The following CABLES1 variants were observed in gnomAD, a reference collection of about 807,000 sequenced individuals.
CABLES1 encodes Cdk5 and Abl enzyme substrate 1.
CABLES1 carries 36 observed loss-of-function variants against 57.8 expected under a neutral mutation model. The ratio of observed to expected loss-of-function variants is 0.62; its 90% CI spans 0.48 to 0.82. The LOEUF (loss-of-function observed/expected upper bound fraction) is 0.82, where lower values mean the gene tolerates loss of function less well. Ranked by LOEUF, CABLES1 falls within the 40% of genes least tolerant of loss-of-function variation. The pLI is 0.00. For synonymous variants in CABLES1, 374 were observed against 363.0 expected (o/e 1.03, Z -0.35); for missense variants, 767 against 836.6 (o/e 0.92, Z 1.03).
chr18:23,228,987 A>G (rs1313337227), intron 4 of CABLES1, among the ~76,000 whole-genome samples: 1 of 152,160 alleles, frequency 6.6e-6, no homozygotes, highest in Non-Finnish European at 1.5e-5. Flanking sequence ...CACTTCCTAT[A>G]ACCTGACTAA....
intron 1 of CABLES1, among the ~76,000 whole-genome samples, chr18:23,184,369 A>G (rs1308689126): frequency 6.6e-6 from 1 of 151,732 alleles, no homozygotes; most frequent in Non-Finnish European, 1.5e-5. Context: ...AGACTTCTAT[A>G]ATGAAGTACC....
chr18:23,238,424 A>G (rs2047659103), intron 7 of CABLES1, among the ~76,000 whole-genome samples: 1 of 152,234 alleles, frequency 6.6e-6, no homozygotes, highest in South Asian at 2.1e-4. Flanking sequence ...AATTTATTCA[A>G]GTCAAAGGCA....
At chr18:23,203,061 A>C (rs2047337524) in intron 3 of CABLES1, among the ~76,000 whole-genome samples, 1 of 151,684 alleles carries the variant, frequency 6.6e-6, no homozygotes, top group African/African-American at 2.4e-5. Context: ...CGGTCCTGTT[A>C]AGAAAGGACC....
chr18:23,144,370 G>C (rs2046878322), intron 1 of CABLES1, among the ~76,000 whole-genome samples: 2 of 152,204 alleles, frequency 1.3e-5, no homozygotes, highest in Non-Finnish European at 2.9e-5. Context: ...CAACGTTCTA[G>C]GTCTTTGTTT....
chr18:23,221,059 C>G (rs2047483470), intron 4 of CABLES1, among the ~76,000 whole-genome samples: 1 of 152,168 alleles, frequency 6.6e-6, no homozygotes, highest in Admixed American at 6.5e-5. Context: ...GCCCCCTGAG[C>G]ACCTTCAGGA....
intron 7 of CABLES1, among the ~76,000 whole-genome samples, chr18:23,243,889 A>G (rs1423796720): frequency 6.6e-6 from 1 of 151,968 alleles, no homozygotes; most frequent in African/African-American, 2.4e-5. Context: ...AAAAAAAAAA[A>G]ACTAATACAA....
chr18:23,241,390 G>A (rs1405950770), intron 7 of CABLES1, among the ~76,000 whole-genome samples: 1 of 152,070 alleles, frequency 6.6e-6, no homozygotes, highest in African/African-American at 2.4e-5. Flanking sequence ...AATTAGCTGG[G>A]CATAGTGGCA....
At chr18:23,254,262 A>C (rs572507299) in intron 9 of CABLES1, among the ~76,000 whole-genome samples, 22 of 152,232 alleles carry the variant, frequency 1.4e-4, no homozygotes, top group Non-Finnish European at 3.1e-4. Context: ...TGTGACCCAC[A>C]GAGCATCTAA....
intron 1 of CABLES1, among the ~76,000 whole-genome samples, chr18:23,145,234 G>T (rs1308713059): frequency 6.6e-6 from 1 of 152,062 alleles, no homozygotes; most frequent in Non-Finnish European, 1.5e-5. Context: ...ACCGTGCCTG[G>T]CCTAATTTTT....
chr18:23,162,080 G>A (rs934512025), intron 1 of CABLES1, among the ~76,000 whole-genome samples: 9 of 151,902 alleles, frequency 5.9e-5, no homozygotes, highest in Admixed American at 1.3e-4. Flanking sequence ...CAGGGGAATC[G>A]CTTGAACTCG....
intron 3 of CABLES1, among the ~76,000 whole-genome samples, chr18:23,195,150 T>G (rs2047273007): frequency 6.6e-6 from 1 of 152,222 alleles, no homozygotes; most frequent in African/African-American, 2.4e-5. Context: ...TATTAAAACC[T>G]TCCAGACAAC....
intron 1 of CABLES1, among the ~76,000 whole-genome samples, chr18:23,143,375 T>C (rs765463695): frequency 6.6e-6 from 1 of 152,186 alleles, no homozygotes; most frequent in Admixed American, 6.5e-5. Context: ...ATATAGAGCA[T>C]GGTACAATTA....
chr18:23,252,744 C>T (rs986917150), intron 7 of CABLES1, among the ~76,000 whole-genome samples: 5 of 152,162 alleles, frequency 3.3e-5, no homozygotes, highest in Non-Finnish European at 5.9e-5. Flanking sequence ...CTAAGTGTCA[C>T]CTCATCCTAA....
chr18:23,210,215 A>T (rs1051350291), intron 3 of CABLES1, among the ~76,000 whole-genome samples: 1 of 152,172 alleles, frequency 6.6e-6, no homozygotes. Context: ...TTCCTTAAAG[A>T]TCCATCTCCC....
chr18:23,148,733 C>T (rs2144958020), intron 1 of CABLES1, among the ~76,000 whole-genome samples: 1 of 152,278 alleles, frequency 6.6e-6, no homozygotes, highest in East Asian at 1.9e-4. Flanking sequence ...CAGCTGTGAC[C>T]TCACGGTGGG....
chr18:23,194,854 TTTTA>T (rs2047270632), intron 3 of CABLES1, among the ~76,000 whole-genome samples: 1 of 151,950 alleles, frequency 6.6e-6, no homozygotes, highest in Non-Finnish European at 1.5e-5. Context: ...TTTTGGGGAG[TTTTA>T]TTTGTTTATC....
At chr18:23,151,911 C>T (rs1465697612) in intron 1 of CABLES1, among the ~76,000 whole-genome samples, 5 of 152,246 alleles carry the variant, frequency 3.3e-5, no homozygotes, top group Admixed American at 3.3e-4. Flanking sequence ...ACTTGCACCA[C>T]AGTGGTAGCG....
At chr18:23,207,643 A>C (rs2047373839) in intron 3 of CABLES1, among the ~76,000 whole-genome samples, 2 of 152,188 alleles carry the variant, frequency 1.3e-5, no homozygotes, top group Admixed American at 1.3e-4. Flanking sequence ...TCAGATCCCC[A>C]GCACCTAGTA....
At position 23,237,194 on chromosome 18, in the gene CABLES1, C is replaced by G; in HGVS notation, c.1395C>G (p.Pro465=). 1 of 1,613,998 alleles carries G rather than the reference C, an allele frequency of 6.2e-7. No homozygotes were observed. Among genetic ancestry groups the G allele is most frequent in the East Asian group, 2.2e-5 (1 of 44,884 alleles). ...MDYDPNLLDD[P]QWPCGKHKRV... ...ATGACCCAAATCTCTTGGATGACCC[C>G]CAGTGGCCTTGTGGCAAACACAAAC... is the stretch of plus-strand genomic sequence containing the variant. The change falls in exon 7 of 10, where the codon CCC becomes CCG. Residue 465 remains proline, a synonymous_variant. Transcript: ENST00000256925.
Sources: allele counts gnomAD v4.1 joint callset (sites outside exome capture counted in the v4.1 genomes callset), GRCh38; gene constraint gnomAD v4.1.1; transcripts MANE v1.5; gene names NCBI Gene and HGNC (gene_info 2026-07-23, HGNC 2026-07-21).